Variants in CFAP144 observed in about 807,000 individuals in gnomAD.
CFAP144 encodes the protein cilia and flagella associated protein 144.
chr1:43,151,626 GGT>G, the CFAP144 span, among the ~76,000 whole-genome samples: 2 of 152,178 alleles, frequency 1.3e-5, no homozygotes, highest in African/African-American at 4.8e-5. Context: ...ACAACATACA[GGT>G]GGAGAAAGGG....
the CFAP144 span, chr1:43,156,323 G>C: frequency 6.2e-7 from 1 of 1,602,022 alleles, no homozygotes; most frequent in South Asian, 1.1e-5. Context: ...GCATCCCAGC[G>C]GATGAGCCCA....
the CFAP144 span, among the ~76,000 whole-genome samples, chr1:43,150,245 G>A: frequency 1.3e-5 from 2 of 152,218 alleles, no homozygotes; most frequent in Non-Finnish European, 2.9e-5. Flanking sequence ...TTTACAGCCT[G>A]TTCTTCAGTG....
At chr1:43,143,192 AAG>A in the CFAP144 span, among the ~76,000 whole-genome samples, 1 of 152,216 alleles carries the variant, frequency 6.6e-6, no homozygotes, top group Admixed American at 6.5e-5. Flanking sequence ...AAAAGGAGCA[AAG>A]AGAACCTATA....
At chr1:43,147,331 T>C in the CFAP144 span, among the ~76,000 whole-genome samples, 3 of 152,204 alleles carry the variant, frequency 2.0e-5, no homozygotes, top group Non-Finnish European at 4.4e-5. Flanking sequence ...CTGTAATACT[T>C]AAAAATGGCT....
chr1:43,153,114 T>C, the CFAP144 span: 1 of 655,872 alleles, frequency 1.5e-6, no homozygotes. Context: ...GCTAATACAG[T>C]ACCTATCTCA....
the CFAP144 span, among the ~76,000 whole-genome samples, chr1:43,143,128 G>A: frequency 6.6e-6 from 1 of 152,092 alleles, no homozygotes; most frequent in Non-Finnish European, 1.5e-5. Context: ...AAGTACACAT[G>A]TAGGAGCAAG....
chr1:43,150,878 G>A, the CFAP144 span: 1 of 1,406,066 alleles, frequency 7.1e-7, no homozygotes, highest in Admixed American at 1.9e-5. Flanking sequence ...AGGCTGGCTG[G>A]AGAGACCTCT....
chr1:43,153,634 T>C, the CFAP144 span, among the ~76,000 whole-genome samples: 1 of 151,226 alleles, frequency 6.6e-6, no homozygotes, highest in African/African-American at 2.4e-5. Context: ...TTTAAAAATA[T>C]ATAAATAAAT....
At chr1:43,156,231 G>C in the CFAP144 span, 1 of 1,613,994 alleles carries the variant, frequency 6.2e-7, no homozygotes, top group South Asian at 1.1e-5. Context: ...CATGACCGCA[G>C]GCTGAATCAC....
At chr1:43,147,743 C>A in the CFAP144 span, 7 of 1,420,794 alleles carry the variant, frequency 4.9e-6, no homozygotes, top group Non-Finnish European at 6.4e-6. Context: ...TAGGGCGGGG[C>A]GCGAAATAAG....
chr1:43,151,065 A>T, the CFAP144 span, among the ~76,000 whole-genome samples: 2 of 152,168 alleles, frequency 1.3e-5, no homozygotes, highest in Non-Finnish European at 2.9e-5. Context: ...CTCAATTATA[A>T]CTGTCAAGCC....
the CFAP144 span, among the ~76,000 whole-genome samples, chr1:43,148,473 C>T: frequency 6.6e-6 from 1 of 152,010 alleles, no homozygotes; most frequent in Non-Finnish European, 1.5e-5. Context: ...TCTGGGGTGC[C>T]CCCTGATAAA....
chr1:43,150,820 G>A, the CFAP144 span: 3 of 1,607,256 alleles, frequency 1.9e-6, no homozygotes, highest in East Asian at 4.5e-5. Context: ...ACCTGCAGAT[G>A]GTAAGTCCTG....
chr1:43,153,574 A>C, the CFAP144 span, among the ~76,000 whole-genome samples: 7 of 152,150 alleles, frequency 4.6e-5, no homozygotes, highest in Non-Finnish European at 1.0e-4. Flanking sequence ...ACGCCATTGC[A>C]CTCCAGCTTG....
chr1:43,147,137 G>A, the CFAP144 span, among the ~76,000 whole-genome samples: 1 of 152,210 alleles, frequency 6.6e-6, no homozygotes, highest in Non-Finnish European at 1.5e-5. Context: ...GAGCCACCGT[G>A]CTCGGCGATT....
the CFAP144 span, among the ~76,000 whole-genome samples, chr1:43,149,213 G>A: frequency 6.6e-6 from 1 of 152,064 alleles, no homozygotes; most frequent in African/African-American, 2.4e-5. Context: ...AATCAATCAC[G>A]ACATAAGGCG....
chr1:43,154,102 T>TATATATATA, the CFAP144 span, among the ~76,000 whole-genome samples: 1 of 118,720 alleles, frequency 8.4e-6, no homozygotes, highest in African/African-American at 2.8e-5. Flanking sequence ...ATATATATAC[T>TATATATATA]CTCTTTTTAT....
chr1:43,145,045 A>G, the CFAP144 span: 1 of 565,012 alleles, frequency 1.8e-6, no homozygotes, highest in Middle Eastern at 4.8e-4. Context: ...GATCCTGGTT[A>G]CCTTGATACT....
chr1:43,152,174 C>T, the CFAP144 span, among the ~76,000 whole-genome samples: 1 of 152,162 alleles, frequency 6.6e-6, no homozygotes, highest in African/African-American at 2.4e-5. Flanking sequence ...TGTCCGCCTG[C>T]GTCTCTCCGG....
Sources: gnomAD v4.1 joint callset for allele counts (sites outside exome capture counted in the v4.1 genomes callset) on GRCh38, gnomAD v4.1.1 for gene constraint, MANE v1.5 for transcripts, NCBI Gene and HGNC (gene_info 2026-07-23, HGNC 2026-07-21) for gene names.